Variants in FARP2 observed in about 807,000 individuals in gnomAD.
FARP2 encodes FERM, ARHGEF and pleckstrin domain-containing protein 2.
FARP2 carries 111 observed loss-of-function variants against 130.5 expected under a neutral mutation model. The ratio of observed to expected loss-of-function variants is 0.85; its 90% confidence interval spans 0.73 to 1.00. The LOEUF (loss-of-function observed/expected upper bound fraction) is 1.00. Ranked by LOEUF, FARP2 falls within the 50% of genes least tolerant of loss-of-function variation. The pLI is 0.00. For synonymous variants in FARP2, 504 were observed against 516.9 expected (o/e 0.98, Z 0.34); for missense variants, 1,385 against 1,346.3 (o/e 1.03, Z -0.45).
chr2:241,374,374 A>T (rs1382727643), intron 2 of FARP2, among the ~76,000 whole-genome samples: 5 of 151,810 alleles, frequency 3.3e-5, no homozygotes, highest in African/African-American at 9.7e-5. Flanking sequence ...CTTTTTTCTA[A>T]TTTTTTCTGG....
At chr2:241,469,398 A>C (rs2064254272) in intron 18 of FARP2, among the ~76,000 whole-genome samples, 1 of 151,976 alleles carries the variant, frequency 6.6e-6, no homozygotes, top group South Asian at 2.1e-4. Flanking sequence ...TTTACAAGTA[A>C]ATTTTATCAT....
chr2:241,408,240 C>T (rs1231334824), intron 5 of FARP2, among the ~76,000 whole-genome samples: 2 of 152,078 alleles, frequency 1.3e-5, no homozygotes, highest in Non-Finnish European at 2.9e-5. Flanking sequence ...GGCATGGTGG[C>T]GGGCACCTGT....
chr2:241,455,150 A>G lies in FARP2; in HGVS notation c.1412-1597A>G, dbSNP rs375420808. ...GTTTGGGTTCTATAAACTGGTCACT[A>G]TAAGCAACTGCATCTGAAGGTGCCA... On this transcript the variant is annotated intron_variant, in intron 13 of 26. Transcript: ENST00000264042. Among the ~76,000 whole-genome samples, 30 of 152,364 alleles carry G rather than the reference A, an allele frequency of 2.0e-4. 1 individual carries two copies. In the South Asian group the frequency reaches 5.8e-3, roughly 29 times the overall value.
rs536580006 is a variant in FARP2, at chr2:241,490,157, G to C, written c.2504+113G>C. 2.5e-5 allele frequency: 19 copies of C among 752,310 alleles called. No individual in the cohort carries two copies. The African/African-American group carries it at 2.8e-4, about 11-fold the overall frequency. 46.6% of individuals were successfully genotyped at this position (752,310 alleles called of 1,614,324 possible). ...GTGAGGAGCCATGTAGCCTCATGGG[G>C]TTGTGCCCCCTTTGACTCTGAGCTC... On this transcript the variant is annotated intron_variant, in intron 22 of 26. Coordinates refer to ENST00000264042, the MANE Select transcript of FARP2 (RefSeq NM_014808.4).
chr2:241,434,162 CTTA>C lies in FARP2; in HGVS notation c.873_875del (p.Tyr292del). On this transcript the variant is annotated inframe_deletion, in exon 10 of 27. Coordinates refer to ENST00000264042, the MANE Select transcript of FARP2 (RefSeq NM_014808.4). Reference sequence around the variant, plus strand: ...ACCTTTGTGTTTTGTTTCTAGGGACCTTACCAGGACACATTAGAATTTTTGTTG... The same window carrying C: ...ACCTTTGTGTTTTGTTTCTAGGGACCCCAGGACACATTAGAATTTTTGTTG... The C allele has an allele frequency of 1.3e-6, 2 of 1,598,080 alleles. No individual in the cohort carries two copies. Among genetic ancestry groups the C allele is most frequent in the Non-Finnish European group, 1.7e-6 (2 of 1,173,916 alleles).
In FARP2 at chr2:241,459,630, A is replaced by G. The variant is rs947250498; in HGVS notation, c.1587+2708A>G. On this transcript the variant is annotated intron_variant, in intron 14 of 26. Transcript: ENST00000264042. The surrounding 1 kb of genome is among the most constrained non-coding windows in gnomAD (Gnocchi z 5.3). ...GGGCACATAGACCCTTCATGTGGGG[A>G]CAGGTGGCGAAGCTCACAGGAATTG... is the stretch of plus-strand genomic sequence containing the variant. Among the ~76,000 whole-genome samples the G allele has an allele frequency of 2.6e-5, 4 of 152,192 alleles. No individual in the cohort carries two copies. The highest frequency in any genetic ancestry group is 9.6e-5 in the African/African-American group (4 of 41,456).
At chr2:241,437,245 G>A (rs1257782626) in intron 12 of FARP2, among the ~76,000 whole-genome samples, 4 of 152,180 alleles carry the variant, frequency 2.6e-5, no homozygotes, top group Non-Finnish European at 4.4e-5. Context: ...TGGCATGATT[G>A]CAACTATATC....
chr2:241,447,065 C>T (rs750432575), intron 13 of FARP2: 28 of 152,024 alleles, frequency 1.8e-4, no homozygotes, highest in Non-Finnish European at 3.8e-4. Context: ...TTGAAATTGC[C>T]ATTTATAAAT....
At chr2:241,457,035 C>T (rs2063864391) in intron 14 of FARP2, 113 bp downstream of exon 14, 2 of 943,986 alleles carry the variant, frequency 2.1e-6, no homozygotes, top group South Asian at 1.9e-5. Context: ...AAGGGCTCTG[C>T]ACTCACAGCC....
rs761110227 is a variant in FARP2, at chr2:241,491,485, T to TC, written c.2624-26dup. 7 of 1,609,688 alleles carry TC rather than the reference T, an allele frequency of 4.3e-6. No homozygotes were observed. In the South Asian group the frequency reaches 5.5e-5, roughly 13 times the overall value. ...TTGGCAAGCAGAGGCCACAGGGGGTTCCCCCTGAGACGCTGCTGACTTCTC... is the reference window on the plus strand; with the variant it reads ...TTGGCAAGCAGAGGCCACAGGGGGTTCCCCCCTGAGACGCTGCTGACTTCTC... On this transcript the variant is annotated intron_variant, in intron 23 of 26. Transcript: ENST00000264042.
chr2:241,478,528 T>C (rs1293680633), intron 19 of FARP2: 1 of 405,002 alleles, frequency 2.5e-6, no homozygotes, highest in Non-Finnish European at 5.1e-6. Flanking sequence ...TGTATCAGGC[T>C]AACCCCGACA....
chr2:241,405,058 A>G (rs2062297061), intron 4 of FARP2, among the ~76,000 whole-genome samples: 1 of 152,206 alleles, frequency 6.6e-6, no homozygotes, highest in Admixed American at 6.5e-5. Flanking sequence ...CGGAAATAAG[A>G]GCATATGCTG....
chr2:241,427,208 C>G (rs2062963878), intron 8 of FARP2, among the ~76,000 whole-genome samples: 1 of 152,138 alleles, frequency 6.6e-6, no homozygotes, highest in South Asian at 2.1e-4. Context: ...GCACTCCAGC[C>G]TGGGCAACAA....
At position 241,411,115 on chromosome 2, in the gene FARP2, T is replaced by A; in HGVS notation, c.493T>A (p.Ser165Thr). The stretch of plus-strand genomic sequence containing the variant: ...TGACACCACAGCGGCCCTTCTCACG[T>A]CCCATCTCCTGCAGTGTGAGTATCT... Reference protein sequence around the residue: ...CADTTAALLTSHLLQSEIGDY... With the variant: ...CADTTAALLTTHLLQSEIGDY... Residue 165 changes from serine to threonine, a missense_variant, in exon 6 of 27, where the codon TCC becomes ACC. Ser to Thr is a moderately conservative substitution (Grantham distance 58, BLOSUM62 1). Coordinates refer to ENST00000264042, the MANE Select transcript of FARP2 (RefSeq NM_014808.4). The A allele has an allele frequency of 6.2e-7, 1 of 1,609,924 alleles. No individual in the cohort carries two copies. Among genetic ancestry groups the A allele is most frequent in the Non-Finnish European group, 8.5e-7 (1 of 1,177,446 alleles).
At position 241,407,407 on chromosome 2, in the gene FARP2, T is replaced by A. The variant is rs2062389190; in HGVS notation, c.332-130T>A. 18 of 693,904 alleles carry A rather than the reference T, an allele frequency of 2.6e-5. No individual in the cohort carries two copies. The South Asian group carries it at 2.9e-4, about 11-fold the overall frequency. The allele number at this position is 693,904 out of a possible 1,614,324, so 43.0% of individuals were successfully genotyped here. On this transcript the variant is annotated intron_variant, in intron 4 of 26. Transcript: ENST00000264042. ...ACACCTGGGCAGAAATTTCTTAATA[T>A]CATATTATTTGAAAAGATTTGCTGT... is the stretch of plus-strand genomic sequence containing the variant.
At chr2:241,368,656 G>T (rs575369916) in intron 1 of FARP2, among the ~76,000 whole-genome samples, 2 of 152,090 alleles carry the variant, frequency 1.3e-5, no homozygotes, top group Non-Finnish European at 2.9e-5. Context: ...CATTTCTTTA[G>T]AGATAGAGTC....
chr2:241,403,784 T>G, intron 2 of FARP2, 44 bp from the exon 3 acceptor site: 1 of 1,241,382 alleles, frequency 8.1e-7, no homozygotes, highest in Non-Finnish European at 1.2e-6. Flanking sequence ...CCTTGCTGTT[T>G]AGTCTTTCAA....
intron 2 of FARP2, among the ~76,000 whole-genome samples, chr2:241,384,476 G>T (rs932276049): frequency 2.0e-5 from 3 of 152,134 alleles, no homozygotes; most frequent in Non-Finnish European, 2.9e-5. Flanking sequence ...AAAAGCTAGT[G>T]ATGAGAATCC....
At chr2:241,440,278 G>A (rs529857254) in intron 12 of FARP2, among the ~76,000 whole-genome samples, 102 of 152,302 alleles carry the variant, frequency 6.7e-4, no homozygotes, top group Admixed American at 3.5e-3. Flanking sequence ...ACGATGTGGC[G>A]TGTGTATATA....
Sources: allele counts gnomAD v4.1 joint callset (sites outside exome capture counted in the v4.1 genomes callset), GRCh38; gene constraint gnomAD v4.1.1; non-coding constraint Gnocchi (gnomAD v3.1); transcripts MANE v1.5; gene names NCBI Gene and HGNC (gene_info 2026-07-23, HGNC 2026-07-21).